The following TRAF3IP2 variants were observed in gnomAD, a reference collection of about 807,000 sequenced individuals.
The protein encoded by TRAF3IP2 is E3 ubiquitin ligase TRAF3IP2.
In TRAF3IP2, 35 loss-of-function variants were observed where a neutral mutation model predicts 57.9. That is an observed-to-expected ratio of 0.60 (90% CI 0.46 to 0.80). TRAF3IP2 has a LOEUF of 0.80. Among genes scored for constraint, TRAF3IP2 ranks in the 30% least tolerant of loss-of-function variants. TRAF3IP2 has a pLI of 0.00. For missense variants in TRAF3IP2, 556 were observed against 706.4 expected (o/e 0.79, Z 2.41); for synonymous variants, 251 against 268.9 (o/e 0.93, Z 0.65).
At chr6:111,565,145 A>G (rs1232883058) in intron 7 of TRAF3IP2, 1 of 152,128 alleles carries the variant, frequency 6.6e-6, no homozygotes, top group Non-Finnish European at 1.5e-5. Context: ...TTTGGTTGTG[A>G]GCTCACGTGA....
chr6:111,584,529 G>A (rs1044618275), intron 2 of TRAF3IP2, among the ~76,000 whole-genome samples: 9 of 152,136 alleles, frequency 5.9e-5, no homozygotes, highest in African/African-American at 2.2e-4. Flanking sequence ...TAAATAGGCT[G>A]GACACGCCTG....
chr6:111,578,461 T>C (rs545016650), intron 3 of TRAF3IP2, among the ~76,000 whole-genome samples: 3 of 152,176 alleles, frequency 2.0e-5, no homozygotes, highest in African/African-American at 7.2e-5. Context: ...GGCAACAAAG[T>C]GAGACCCCTT....
Position 111,557,430 on chromosome 6 carries a change from T to G in TRAF3IP2, c.*1975A>C, listed in dbSNP as rs1484251474. ...ACCTGAGGGTATTGTTGAAGTTTTT[T>G]TTTTTTTTTTTTTTTTTGAGACGGA... On this transcript the variant is annotated 3_prime_UTR_variant, in exon 9 of 9. Transcript: ENST00000368761. The G allele has an allele frequency of 6.9e-6, 1 of 144,074 alleles. No homozygotes were observed. Among genetic ancestry groups the G allele is most frequent in the African/African-American group, 2.6e-5 (1 of 38,422 alleles). 8.9% of individuals were successfully genotyped at this position (144,074 alleles called of 1,614,324 possible).
intron 1 of TRAF3IP2, among the ~76,000 whole-genome samples, chr6:111,593,190 A>C (rs1796573211): frequency 6.6e-6 from 1 of 152,250 alleles, no homozygotes. Flanking sequence ...GTGAAAAAGA[A>C]GAAATCCCAG....
In TRAF3IP2 at chr6:111,559,445, G is replaced by A; in HGVS notation, c.1658C>T (p.Pro553Leu). 1 of 1,614,096 alleles carries A rather than the reference G, an allele frequency of 6.2e-7. No individual in the cohort carries two copies. The highest frequency in any genetic ancestry group is 8.5e-7 in the Non-Finnish European group (1 of 1,180,034). ...LLREEEYVAP[P>L]RGPLPTLQVV... ...CTGAAGGGTGGGCAGAGGCCCCCGT[G>A]GAGGAGCCACATACTCTTCCTCTCT... Residue 553 changes from proline to leucine, a missense_variant, in exon 9 of 9, where the codon CCA becomes CTA. By Grantham distance (98) the Pro-to-Leu change is moderately conservative. Around this residue, in one of 2 missense-constraint regions of TRAF3IP2, gnomAD observed 128 missense variants for 207.7 expected, o/e 0.62. Transcript: ENST00000368761.
At chr6:111,594,735 G>A (rs1286977172) in intron 1 of TRAF3IP2, among the ~76,000 whole-genome samples, 1 of 152,062 alleles carries the variant, frequency 6.6e-6, no homozygotes, top group Non-Finnish European at 1.5e-5. Context: ...GCAATATAAT[G>A]AGACCCTGTC....
At chr6:111,577,732 GAC>G (rs2128376629) in intron 3 of TRAF3IP2, among the ~76,000 whole-genome samples, 1 of 150,740 alleles carries the variant, frequency 6.6e-6, no homozygotes, top group African/African-American at 2.4e-5. Flanking sequence ...TAGTTTTTGA[GAC>G]AGAGTCTCAC....
At position 111,559,245 on chromosome 6, in the gene TRAF3IP2, G is replaced by A; in HGVS notation, c.*160C>T. On this transcript the variant is annotated 3_prime_UTR_variant, in exon 9 of 9. Transcript: ENST00000368761. Reference sequence around the variant, plus strand: ...AGCCAGGGTGTGTGGAGGTCTCCGGGGAAGAGCTCTGCACAACAGGTTTCC... The same window carrying A: ...AGCCAGGGTGTGTGGAGGTCTCCGGAGAAGAGCTCTGCACAACAGGTTTCC... The A allele has an allele frequency of 1.1e-6, 1 of 941,542 alleles. No homozygotes were observed. The allele number at this position is 941,542 out of a possible 1,614,324, so 58.3% of individuals were successfully genotyped here.
chr6:111,562,991 G>T lies in TRAF3IP2; in HGVS notation c.1525C>A (p.Pro509Thr). The change falls in exon 8 of 9, where the codon CCT becomes ACT. Residue 509 changes from proline (P) to threonine (T), a missense_variant. Transcript: ENST00000368761. Reference protein sequence around the residue: ...KQGSMNFRFIPVLFPNAKKEH... With the variant: ...KQGSMNFRFITVLFPNAKKEH... ...TTCTTAGCATTTGGGAAGAGCACAGGGATGAATCTGAAATTCATGCTTCCT... is the reference window on the plus strand; with the variant it reads ...TTCTTAGCATTTGGGAAGAGCACAGTGATGAATCTGAAATTCATGCTTCCT... 1 of 1,612,720 alleles carries T rather than the reference G, an allele frequency of 6.2e-7. No homozygotes were observed.
At chr6:111,597,393 G>T (rs1010024948) in intron 1 of TRAF3IP2, among the ~76,000 whole-genome samples, 1 of 152,146 alleles carries the variant, frequency 6.6e-6, no homozygotes. Flanking sequence ...GAACTGAAAA[G>T]GGTGGGGCAC....
intron 1 of TRAF3IP2, 135 bp downstream of exon 1, chr6:111,605,641 A>C (rs1223747530): frequency 1.3e-5 from 2 of 152,318 alleles, no homozygotes; most frequent in African/African-American, 4.8e-5. Context: ...CTGTGCGAAC[A>C]AGTTAAAGGA....
At chr6:111,597,854 C>T (rs763574080) in intron 1 of TRAF3IP2, 12 of 455,824 alleles carry the variant, frequency 2.6e-5, no homozygotes, top group South Asian at 1.7e-4. Flanking sequence ...TCCATATTTA[C>T]GTGCTTGTAA....
Position 111,558,972 on chromosome 6 carries a change from A to G in TRAF3IP2, c.*433T>C, listed in dbSNP as rs1795335011. ...AGAGTAAACATTTTATTATTTGTACATGAATCAGTTTGGTCTGAGGATACA... is the reference window on the plus strand; with the variant it reads ...AGAGTAAACATTTTATTATTTGTACGTGAATCAGTTTGGTCTGAGGATACA... On this transcript the variant is annotated 3_prime_UTR_variant, in exon 9 of 9. Coordinates refer to ENST00000368761, the MANE Select transcript of TRAF3IP2 (RefSeq NM_147686.4). 1 of 155,504 alleles carries G rather than the reference A, an allele frequency of 6.4e-6. No individual in the cohort carries two copies. The highest frequency in any genetic ancestry group is 1.4e-5 in the Non-Finnish European group (1 of 70,410). The allele number at this position is 155,504 out of a possible 1,614,324, so 9.6% of individuals were successfully genotyped here. A position where few individuals can be genotyped will look rare whatever the true frequency, so the allele number is the denominator to read the frequency against.
At position 111,591,209 on chromosome 6, in the gene TRAF3IP2, T is replaced by TC. The variant is rs1796499214; in HGVS notation, c.829+48dup. On this transcript the variant is annotated intron_variant, in intron 2 of 8. Transcript: ENST00000368761. This position sits in a 1 kb window ranked among gnomAD's most constrained non-coding sequence, Gnocchi z 4.9. ...GAAGCATTGATGTGAGGCCCTTGTT[T>TC]CTTCAGTCACCCAGCCCAGAATGCC... 7.1e-7 allele frequency: 1 copy of TC among 1,405,708 alleles called. No homozygotes were observed. The highest frequency in any genetic ancestry group is 2.5e-5 in the Admixed American group (1 of 40,598). 87.1% of individuals were successfully genotyped at this position (1,405,708 alleles called of 1,614,324 possible).
At chr6:111,576,955 G>T (rs1048238318) in intron 3 of TRAF3IP2, 1 of 151,892 alleles carries the variant, frequency 6.6e-6, no homozygotes, top group African/African-American at 2.4e-5. Context: ...TTTTACCCAA[G>T]GAGTAATCAG....
At chr6:111,601,422 T>G (rs1223816124) in intron 1 of TRAF3IP2, 1 of 476,542 alleles carries the variant, frequency 2.1e-6, no homozygotes, top group Non-Finnish European at 3.8e-6. Flanking sequence ...CAAAGGGTGA[T>G]GATAAATGGT....
intron 2 of TRAF3IP2, among the ~76,000 whole-genome samples, chr6:111,583,232 A>C (rs1796218375): frequency 6.6e-6 from 1 of 152,214 alleles, no homozygotes; most frequent in Non-Finnish European, 1.5e-5. Flanking sequence ...AAGGCTCAAT[A>C]GTTACAAAGC....
chr6:111,577,958 C>A (rs1796041261), intron 3 of TRAF3IP2, among the ~76,000 whole-genome samples: 2 of 151,970 alleles, frequency 1.3e-5, no homozygotes, highest in Non-Finnish European at 1.5e-5. Flanking sequence ...AACAATCCAC[C>A]CACCTCTGCC....
At position 111,580,282 on chromosome 6, in the gene TRAF3IP2, CCTT is replaced by C. The variant is rs746767211; in HGVS notation, c.934_936del (p.Lys312del). On this transcript the variant is annotated inframe_deletion, in exon 3 of 9. Transcript: ENST00000368761. ...CAGGGGCTGGGATAATTCAGGATAA[CCTT>C]CTGCACAGGGTGCAGGCCTCTCACA... 2.4e-5 allele frequency: 39 copies of C among 1,612,920 alleles called. No individual in the cohort carries two copies. The highest frequency in any genetic ancestry group is 3.3e-5 in the Non-Finnish European group (39 of 1,179,120).
Sources: allele counts gnomAD v4.1 joint callset (sites outside exome capture counted in the v4.1 genomes callset), GRCh38; gene constraint gnomAD v4.1.1; regional missense constraint gnomAD v4.1.1; non-coding constraint Gnocchi (gnomAD v3.1); transcripts MANE v1.5; gene names NCBI Gene and HGNC (gene_info 2026-07-23, HGNC 2026-07-21).